Variants in CTNNA3 observed in about 807,000 individuals in gnomAD.
CTNNA3 encodes catenin alpha-3.
A neutral mutation model predicts 95.7 loss-of-function variants in CTNNA3; 76 were observed. That is an observed-to-expected ratio of 0.79 (90% CI 0.66 to 0.96). CTNNA3 has a LOEUF of 0.96. Among genes scored for constraint, CTNNA3 ranks in the 40% least tolerant of loss-of-function variants. The pLI is 0.00. For missense variants in CTNNA3, 1,191 were observed against 1,089.8 expected (o/e 1.09, Z -1.31); for synonymous variants, 431 against 374.4 (o/e 1.15, Z -1.74).
intron 7 of CTNNA3, among the ~76,000 whole-genome samples, chr10:66,779,933 C>T (rs1049833556): frequency 6.6e-6 from 1 of 151,952 alleles, no homozygotes; most frequent in Non-Finnish European, 1.5e-5. Context: ...ATAGAGGTAC[C>T]TAGGATAACA....
intron 7 of CTNNA3, among the ~76,000 whole-genome samples, chr10:67,084,117 A>T (rs1857185849): frequency 6.6e-6 from 1 of 152,068 alleles, no homozygotes; most frequent in Admixed American, 6.6e-5. Flanking sequence ...AAACACCTAT[A>T]TTTATAACTA....
chr10:67,245,141 T>C (rs1564508522), intron 5 of CTNNA3, among the ~76,000 whole-genome samples: 1 of 152,128 alleles, frequency 6.6e-6, no homozygotes. Flanking sequence ...TGGACCTCCT[T>C]GCTGCTTATC....
intron 16 of CTNNA3, among the ~76,000 whole-genome samples, chr10:65,971,494 C>G (rs1248239946): frequency 6.7e-6 from 1 of 150,356 alleles, no homozygotes; most frequent in African/African-American, 2.4e-5. Flanking sequence ...AGTGACATTG[C>G]AACCAATATC....
At chr10:67,645,687 G>T (rs1839682469) in intron 2 of CTNNA3, among the ~76,000 whole-genome samples, 1 of 151,698 alleles carries the variant, frequency 6.6e-6, no homozygotes, top group Non-Finnish European at 1.5e-5. Flanking sequence ...TGACAAAAAT[G>T]TATATACAAA....
chr10:66,976,611 T>C (rs537801846), intron 7 of CTNNA3, among the ~76,000 whole-genome samples: 1 of 152,330 alleles, frequency 6.6e-6, no homozygotes, highest in South Asian at 2.1e-4. Context: ...ATTCCCAAGT[T>C]TGGCATTTTT....
At chr10:66,233,751 G>A (rs1002140098) in intron 13 of CTNNA3, among the ~76,000 whole-genome samples, 7 of 152,086 alleles carry the variant, frequency 4.6e-5, no homozygotes, top group Admixed American at 2.0e-4. Context: ...GGAACTTGCC[G>A]TATCTTCTAA....
intron 13 of CTNNA3, among the ~76,000 whole-genome samples, chr10:66,159,068 T>C (rs576070357): frequency 6.6e-6 from 1 of 151,668 alleles, no homozygotes; most frequent in African/African-American, 2.4e-5. Context: ...GAGGAGTCTT[T>C]AGGGTTTTCA....
chr10:66,219,582 T>A (rs1179309028), intron 13 of CTNNA3, among the ~76,000 whole-genome samples: 2 of 152,044 alleles, frequency 1.3e-5, no homozygotes, highest in Non-Finnish European at 2.9e-5. Context: ...AACAGCCACA[T>A]GAGAAACCTT....
At chr10:66,851,742 C>T (rs1201380982) in intron 7 of CTNNA3, among the ~76,000 whole-genome samples, 2 of 152,004 alleles carry the variant, frequency 1.3e-5, no homozygotes, top group Non-Finnish European at 1.5e-5. Flanking sequence ...TTACCAGAAG[C>T]TGAGCAGATG....
At chr10:66,825,281 A>G (rs191354080) in intron 7 of CTNNA3, among the ~76,000 whole-genome samples, 1 of 134,746 alleles carries the variant, frequency 7.4e-6, no homozygotes, top group Non-Finnish European at 1.6e-5. Context: ...ATATATATAT[A>G]TATTTTTTTT....
chr10:66,412,185 TGAA>T (rs1235668518), intron 11 of CTNNA3, among the ~76,000 whole-genome samples: 10 of 152,060 alleles, frequency 6.6e-5, no homozygotes, highest in Non-Finnish European at 1.0e-4. Flanking sequence ...TAATTTGGCA[TGAA>T]GGATTAGAGA....
intron 1 of CTNNA3, among the ~76,000 whole-genome samples, chr10:67,752,899 A>ATG (rs1841414718): frequency 6.6e-6 from 1 of 152,184 alleles, no homozygotes; most frequent in Non-Finnish European, 1.5e-5. Context: ...ATACTACCCA[A>ATG]AGTAATTTAC....
chr10:66,056,166 A>T (rs1199629806), intron 15 of CTNNA3, among the ~76,000 whole-genome samples: 1 of 152,034 alleles, frequency 6.6e-6, no homozygotes, highest in Non-Finnish European at 1.5e-5. Flanking sequence ...GGTTTGTTAT[A>T]TATAGCGTTT....
chr10:66,923,671 AG>A (rs941882088), intron 7 of CTNNA3, among the ~76,000 whole-genome samples: 13 of 152,222 alleles, frequency 8.5e-5, no homozygotes, highest in Admixed American at 8.5e-4. Context: ...TGAAAAGTAA[AG>A]ATCACTTTCT....
At chr10:67,574,822 C>T (rs2133298172) in intron 3 of CTNNA3, among the ~76,000 whole-genome samples, 1 of 152,230 alleles carries the variant, frequency 6.6e-6, no homozygotes, top group East Asian at 1.9e-4. Flanking sequence ...CTCAGGTGAT[C>T]CACCTGCCTC....
intron 11 of CTNNA3, among the ~76,000 whole-genome samples, chr10:66,423,064 T>G (rs1331468188): frequency 2.0e-5 from 3 of 152,110 alleles, no homozygotes; most frequent in African/African-American, 7.2e-5. Flanking sequence ...CCTGTCCAAC[T>G]CCAACTCTCA....
intron 1 of CTNNA3, among the ~76,000 whole-genome samples, chr10:67,689,853 G>A (rs1394852726): frequency 1.3e-5 from 2 of 152,098 alleles, no homozygotes; most frequent in African/African-American, 2.4e-5. Flanking sequence ...TGACCGACAG[G>A]TGCCCAGTAT....
intron 15 of CTNNA3, 31 bp downstream of exon 15, chr10:66,069,277 G>C (rs1214800155): frequency 6.3e-7 from 1 of 1,594,090 alleles, no homozygotes; most frequent in Non-Finnish European, 8.6e-7. Flanking sequence ...CAGCCATTAT[G>C]AATATTACAC....
chr10:67,443,837 T>C (rs2132941082), intron 5 of CTNNA3, among the ~76,000 whole-genome samples: 2 of 152,228 alleles, frequency 1.3e-5, no homozygotes, highest in East Asian at 3.9e-4. Context: ...TTTGTTGCCA[T>C]TGCTTTTGGT....
Sources: allele counts gnomAD v4.1 joint callset (sites outside exome capture counted in the v4.1 genomes callset), GRCh38; gene constraint gnomAD v4.1.1; transcripts MANE v1.5; gene names NCBI Gene and HGNC (gene_info 2026-07-23, HGNC 2026-07-21).